FGF14: variants seen among roughly 807,000 people sequenced by gnomAD.
FGF14 encodes fibroblast growth factor 14.
FGF14 carries 5 observed loss-of-function variants against 25.5 expected under a neutral mutation model. The ratio of observed to expected loss-of-function variants is 0.20; its 90% CI spans 0.10 to 0.41. The LOEUF (loss-of-function observed/expected upper bound fraction) is 0.41. Among genes scored for constraint, FGF14 ranks in the 10% least tolerant of loss-of-function variants. The probability of loss-of-function intolerance (pLI) is 1.00; values close to 1 mark genes in which losing one functional copy is unlikely to be tolerated. For synonymous variants in FGF14, 138 were observed against 118.3 expected, an observed-to-expected ratio of 1.17 and a Z score of -1.08; for missense variants, 222 against 320.1, an observed-to-expected ratio of 0.69 and a Z score of 2.34.
intron 3 of FGF14, among the ~76,000 whole-genome samples, chr13:101,773,317 G>A (rs547148092): frequency 1.6e-4 from 24 of 152,208 alleles, no homozygotes; most frequent in Non-Finnish European, 2.9e-4. Flanking sequence ...GGGAGAGGAT[G>A]TTATCTGCCC....
intron 1 of FGF14, among the ~76,000 whole-genome samples, chr13:101,910,557 A>T (rs1177090441): frequency 6.6e-6 from 1 of 152,034 alleles, no homozygotes; most frequent in East Asian, 1.9e-4. Flanking sequence ...TAAATTACAA[A>T]ATTTAATTTT....
intron 1 of FGF14, among the ~76,000 whole-genome samples, chr13:102,247,633 T>C (rs1594571025): frequency 6.6e-6 from 1 of 152,160 alleles, no homozygotes; most frequent in Non-Finnish European, 1.5e-5. Flanking sequence ...GCTTATACAC[T>C]GTTGGAGGAA....
intron 3 of FGF14, among the ~76,000 whole-genome samples, chr13:101,853,350 C>A (rs2043955141): frequency 6.6e-6 from 1 of 152,064 alleles, no homozygotes; most frequent in African/African-American, 2.4e-5. Context: ...TTGACACTAA[C>A]CTATTACCAA....
At chr13:102,247,881 T>C (rs997805853) in intron 1 of FGF14, among the ~76,000 whole-genome samples, 1 of 152,126 alleles carries the variant, frequency 6.6e-6, no homozygotes, top group African/African-American at 2.4e-5. Context: ...AAATGTGGTA[T>C]ATATATCCTA....
intron 1 of FGF14, among the ~76,000 whole-genome samples, chr13:102,257,368 T>TTTTTTTTTTTTTTC (rs1324599457): frequency 6.9e-6 from 1 of 144,640 alleles, no homozygotes; most frequent in African/African-American, 2.6e-5. Context: ...TTTTTTTTTT[T>TTTTTTTTTTTTTTC]CGAGACGGAG....
chr13:102,034,628 T>C (rs1485882082), intron 1 of FGF14, among the ~76,000 whole-genome samples: 1 of 151,994 alleles, frequency 6.6e-6, no homozygotes, highest in Non-Finnish European at 1.5e-5. Flanking sequence ...TTAATGAAAA[T>C]CAATGCAAAA....
At chr13:102,353,450 A>G (rs2057342778) in intron 1 of FGF14, among the ~76,000 whole-genome samples, 1 of 152,204 alleles carries the variant, frequency 6.6e-6, no homozygotes, top group Admixed American at 6.5e-5. Context: ...AGCTTCTGAC[A>G]TAGATACCCA....
intron 1 of FGF14, among the ~76,000 whole-genome samples, chr13:102,210,527 T>C (rs767744724): frequency 2.0e-4 from 30 of 152,130 alleles, no homozygotes; most frequent in Admixed American, 1.3e-3. Flanking sequence ...AGGGGACAGA[T>C]AGATTTCCAA....
At chr13:102,048,751 T>C (rs962834462) in intron 1 of FGF14, among the ~76,000 whole-genome samples, 1 of 152,206 alleles carries the variant, frequency 6.6e-6, no homozygotes, top group Admixed American at 6.5e-5. Context: ...TGGAAACTTA[T>C]AGTAGCCAGA....
At chr13:101,996,591 T>C (rs1480561599) in intron 1 of FGF14, among the ~76,000 whole-genome samples, 1 of 152,190 alleles carries the variant, frequency 6.6e-6, no homozygotes, top group East Asian at 1.9e-4. Context: ...GGTTGAAATC[T>C]TGTCCCTGAA....
At chr13:102,164,909 C>A (rs2047932498) in intron 1 of FGF14, among the ~76,000 whole-genome samples, 1 of 152,014 alleles carries the variant, frequency 6.6e-6, no homozygotes, top group African/African-American at 2.4e-5. Context: ...AGTTAAGATG[C>A]ATAGTGACAA....
At chr13:101,934,176 G>A (rs1195575359) in intron 1 of FGF14, among the ~76,000 whole-genome samples, 1 of 152,236 alleles carries the variant, frequency 6.6e-6, no homozygotes, top group East Asian at 1.9e-4. Flanking sequence ...GCAGCGGCAG[G>A]TGAAGGCAGC....
chr13:101,802,894 T>C lies in FGF14; in HGVS notation c.408+65831A>G, dbSNP rs576353011. 1.1e-4 allele frequency among the ~76,000 whole-genome samples: 17 copies of C among 152,234 alleles called. No homozygotes were observed. In the East Asian group the frequency reaches 3.3e-3, roughly 30 times the overall value. ...AATAGAGACAAACTTTTGAGGCCCC[T>C]GGCTTCGTGTTGAGGCTGTGGGAGA... On this transcript the variant is annotated intron_variant, in intron 3 of 4. Transcript: ENST00000376143.
intron 1 of FGF14, among the ~76,000 whole-genome samples, chr13:101,985,087 T>G (rs1216128949): frequency 4.6e-5 from 7 of 151,298 alleles, no homozygotes; most frequent in Non-Finnish European, 8.9e-5. Flanking sequence ...TTTGTTTTTT[T>G]TTTTTTTGCC....
intron 1 of FGF14, among the ~76,000 whole-genome samples, chr13:102,176,220 T>C (rs548107138): frequency 2.0e-5 from 3 of 152,222 alleles, no homozygotes; most frequent in African/African-American, 7.2e-5. Flanking sequence ...TTATACATCA[T>C]AAAATACTAT....
intron 1 of FGF14, among the ~76,000 whole-genome samples, chr13:102,224,363 G>C (rs1172952303): frequency 6.6e-6 from 1 of 152,162 alleles, no homozygotes; most frequent in Admixed American, 6.6e-5. Flanking sequence ...TGGTGGAGAA[G>C]TGATCTTTTC....
chr13:102,257,559 C>A (rs2052510588), intron 1 of FGF14, among the ~76,000 whole-genome samples: 1 of 151,784 alleles, frequency 6.6e-6, no homozygotes, highest in African/African-American at 2.4e-5. Context: ...TCTCAAACTC[C>A]TGACCTGAAG....
At chr13:101,769,317 T>A (rs1311758575) in intron 3 of FGF14, among the ~76,000 whole-genome samples, 2 of 151,588 alleles carry the variant, frequency 1.3e-5, no homozygotes, top group African/African-American at 4.8e-5. Flanking sequence ...CAAGAAAGTA[T>A]TAGACAACAG....
rs1166839070 is a variant in FGF14 at position 101,767,361 on chromosome 13, C to T, written c.409-40551G>A. ...TGGTCTGGTGTGATACGAGATCATT[C>T]TTTTTTTAAAAGCTCCCTAGGGTTT... On this transcript the variant is annotated intron_variant, in intron 3 of 4. Transcript: ENST00000376143. Among the ~76,000 whole-genome samples, 5 of 152,218 alleles carry T rather than the reference C, an allele frequency of 3.3e-5. No individual in the cohort carries two copies. The East Asian group carries it at 5.8e-4, about 18-fold the overall frequency.
Sources: gnomAD v4.1 joint callset for allele counts (sites outside exome capture counted in the v4.1 genomes callset) on GRCh38, gnomAD v4.1.1 for gene constraint, MANE v1.5 for transcripts, NCBI Gene and HGNC (gene_info 2026-07-23, HGNC 2026-07-21) for gene names.